The following PEG3 variants were observed in gnomAD, a reference collection of about 807,000 sequenced individuals.
The protein encoded by PEG3 is paternally-expressed gene 3 protein.
A neutral mutation model predicts 35.5 loss-of-function variants in PEG3; 23 were observed. The ratio of observed to expected loss-of-function variants is 0.65; its 90% confidence interval spans 0.47 to 0.92. The LOEUF is 0.92. Ranked by LOEUF, PEG3 falls within the 40% of genes least tolerant of loss-of-function variation. PEG3 has a pLI of 0.00. For synonymous variants in PEG3, 707 were observed against 697.0 expected, an observed-to-expected ratio of 1.01 and a Z score of -0.23; for missense variants, 1,960 against 1,985.3, an observed-to-expected ratio of 0.99 and a Z score of 0.24.
chr19:56,817,696 A>G (rs1285109904), intron 9 of PEG3, 50 bp downstream of exon 9: 1 of 1,565,078 alleles, frequency 6.4e-7, no homozygotes, highest in East Asian at 2.2e-5. Flanking sequence ...GTTCCTTGAT[A>G]GCATCTCACT....
In PEG3 at chr19:56,824,516, T is replaced by C. The variant is rs767490719; in HGVS notation, c.140A>G (p.Gln47Arg). Residue 47 changes from glutamine to arginine, a missense_variant, in exon 4 of 10, where the codon CAG becomes CGG. Around this residue, in one of 5 missense-constraint regions of PEG3, gnomAD observed 613 missense variants for 577.1 expected, o/e 1.06. Transcript: ENST00000326441. ...EGPTDSEFFH[Q>R]RFRNLIYVEF... The stretch of plus-strand genomic sequence containing the variant: ...CACATAGATTAGGTTCCGAAACCTC[T>C]GATGAAAAAACTCAGAGTCAGTTGG... 4 of 1,614,136 alleles carry C rather than the reference T, an allele frequency of 2.5e-6. No homozygotes were observed.
chr19:56,811,641 TTCACCCC>T lies in PEG3; in HGVS notation c.*2027_*2033del. The T allele has an allele frequency of 1.0e-6, 1 of 984,498 alleles. No homozygotes were observed. The highest frequency in any genetic ancestry group is 4.7e-5 in the South Asian group (1 of 21,226). 61.0% of individuals were successfully genotyped at this position (984,498 alleles called of 1,614,324 possible). ...AACACCAAGTAATGTACCCACAAAG[TTCACCCC>T]GACATCAACACTGATTCTCGTTTCA... is the stretch of plus-strand genomic sequence containing the variant. On this transcript the variant is annotated 3_prime_UTR_variant, in exon 10 of 10. Coordinates refer to ENST00000326441, the MANE Select transcript of PEG3 (RefSeq NM_006210.3).
intron 1 of PEG3, among the ~76,000 whole-genome samples, chr19:56,837,443 C>A (rs1355212865): frequency 6.6e-6 from 1 of 152,224 alleles, no homozygotes; most frequent in African/African-American, 2.4e-5. Flanking sequence ...CATTTTCTCA[C>A]TTAAAATCCC....
In PEG3 at chr19:56,811,776, C is replaced by A. The variant is rs1411049893; in HGVS notation, c.*1899G>T. 1 of 985,398 alleles carries A rather than the reference C, an allele frequency of 1.0e-6. No individual in the cohort carries two copies. The highest frequency in any genetic ancestry group is 1.2e-6 in the Non-Finnish European group (1 of 829,972). The allele number at this position is 985,398 out of a possible 1,614,324, so 61.0% of individuals were successfully genotyped here. A position where few individuals can be genotyped will look rare whatever the true frequency, so the allele number is the denominator to read the frequency against. On this transcript the variant is annotated 3_prime_UTR_variant, in exon 10 of 10. Coordinates refer to ENST00000326441, the MANE Select transcript of PEG3 (RefSeq NM_006210.3). ...GCAGCCAGCCCTCACCTACACCATA[C>A]CATCAAAAACTCCTTTTCCAAACTG...
intron 4 of PEG3, 35 bp from the exon 5 acceptor site, chr19:56,823,714 G>A (rs758774891): frequency 6.2e-7 from 1 of 1,611,736 alleles, no homozygotes; most frequent in South Asian, 1.1e-5. Context: ...TACTATCTCT[G>A]GCCCACATTC....
chr19:56,810,127 A>G lies in PEG3; in HGVS notation c.*3548T>C, dbSNP rs75588968. The G allele has an allele frequency of 7.3e-6, 7 of 964,148 alleles. No individual in the cohort carries two copies. The highest frequency in any genetic ancestry group is 5.3e-4 in the Middle Eastern group (1 of 1,896). 59.7% of individuals were successfully genotyped at this position (964,148 alleles called of 1,614,324 possible). ...TATTGTTGACACTATTACAGATAGA[A>G]TGACCACAACCATATTAACAAACCA... On this transcript the variant is annotated 3_prime_UTR_variant, in exon 10 of 10. Coordinates refer to ENST00000326441, the MANE Select transcript of PEG3 (RefSeq NM_006210.3).
intron 4 of PEG3, 119 bp downstream of exon 4, chr19:56,824,143 C>T: frequency 1.4e-6 from 2 of 1,476,106 alleles, no homozygotes; most frequent in Non-Finnish European, 1.8e-6. Context: ...AGGACATCCC[C>T]ACCGCTGCCC....
chr19:56,821,576 C>T (rs1401381099), intron 7 of PEG3, 75 bp downstream of exon 7: 2 of 1,571,520 alleles, frequency 1.3e-6, no homozygotes, highest in Non-Finnish European at 1.7e-6. Context: ...ATAAACACAC[C>T]ATCTGGGGAA....
rs774903750 is a variant in PEG3, at chr19:56,814,357, T to G, written c.4085A>C (p.Glu1362Ala). 1.2e-6 allele frequency: 2 copies of G among 1,613,572 alleles called. No individual in the cohort carries two copies. The highest frequency in any genetic ancestry group is 1.7e-6 in the Non-Finnish European group (2 of 1,179,596). Residue 1362 changes from glutamate to alanine, a missense_variant, in exon 10 of 10, where the codon GAA becomes GCA. Transcript: ENST00000326441. This position sits in a 1 kb window ranked among gnomAD's most constrained non-coding sequence, Gnocchi z 5.8. The part of the protein sequence containing the change: ...ELHLEEEEED[E>A]AAAAAAAAAQ... ...TGCTGCTGCTGCAGCTGCTGCTGCT[T>G]CATCTTCTTCTTCTTCTTCCAGATG...
chr19:56,830,848 C>G (rs1010531081), intron 2 of PEG3, among the ~76,000 whole-genome samples: 1 of 151,820 alleles, frequency 6.6e-6, no homozygotes, highest in Admixed American at 6.6e-5. Flanking sequence ...TGCAGGGGGG[C>G]CCTGGGAGGT....
chr19:56,835,784 G>A (rs1483697671), intron 2 of PEG3, among the ~76,000 whole-genome samples: 8 of 152,202 alleles, frequency 5.3e-5, no homozygotes, highest in African/African-American at 1.9e-4. Flanking sequence ...TAGCCCTGAA[G>A]GAGTAGCTGA....
rs1440759227 is a variant in PEG3, at chr19:56,816,336, C to A, written c.2106G>T (p.Glu702Asp). 4 of 1,614,146 alleles carry A rather than the reference C, an allele frequency of 2.5e-6. No individual in the cohort carries two copies. The South Asian group carries it at 4.4e-5, about 18-fold the overall frequency. The change falls in exon 10 of 10, where the codon GAG becomes GAT. Residue 702 changes from glutamate (E) to aspartate (D), a missense_variant. Glu to Asp is a conservative substitution (Grantham distance 45). Coordinates refer to ENST00000326441, the MANE Select transcript of PEG3 (RefSeq NM_006210.3). ...TCTTTCGAGAATGAATTTTCTGATG[C>A]TCACTGAGCTCTGAGCTTTGCATGA... is the stretch of plus-strand genomic sequence containing the variant. ...DAFMQSSELS[E>D]HQKIHSRKNL...
intron 7 of PEG3, among the ~76,000 whole-genome samples, chr19:56,820,395 C>T (rs753322729): frequency 1.4e-4 from 21 of 152,150 alleles, no homozygotes; most frequent in Non-Finnish European, 2.9e-4. Context: ...ACATGGGGCT[C>T]GGATGCCAAT....
Position 56,815,943 on chromosome 19 carries a change from A to C in PEG3, c.2499T>G (p.Ser833=). Residue 833 remains serine (S), a synonymous_variant, in exon 10 of 10, where the codon TCT becomes TCG. Transcript: ENST00000326441. ...TGGAAGCCACTAAGCTATGGATAAC[A>C]GACCTACTGTATTCCCTTCCTTCAG... is the stretch of plus-strand genomic sequence containing the variant. ...NTSEGREYSR[S]VIHSLVASKP... is the part of the protein sequence containing the mutation. The C allele has an allele frequency of 6.2e-7, 1 of 1,601,320 alleles. No individual in the cohort carries two copies. The highest frequency in any genetic ancestry group is 1.7e-4 in the Middle Eastern group (1 of 5,946).
Position 56,816,564 on chromosome 19 carries a change from C to A in PEG3, c.1878G>T (p.Met626Ile), listed in dbSNP as rs1307774217. 3.7e-6 allele frequency: 6 copies of A among 1,614,060 alleles called. No individual in the cohort carries two copies. The highest frequency in any genetic ancestry group is 5.1e-6 in the Non-Finnish European group (6 of 1,179,972). The change falls in exon 10 of 10, where the codon ATG (methionine) becomes ATT (isoleucine). Residue 626 changes from methionine to isoleucine, a missense_variant. Coordinates refer to ENST00000326441, the MANE Select transcript of PEG3 (RefSeq NM_006210.3). The stretch of plus-strand genomic sequence containing the variant: ...TCTCCCCACACACCTTACATTCGTA[C>A]ATTTTCTCTTTACCATACATTTTCT... ...EFQKMYGKEK[M>I]YECKVCGETF...
Position 56,823,779 on chromosome 19 carries a change from G to A in PEG3, c.395-100C>T, listed in dbSNP as rs2060740344. On this transcript the variant is annotated intron_variant, in intron 4 of 9. Coordinates refer to ENST00000326441, the MANE Select transcript of PEG3 (RefSeq NM_006210.3). ...GCATCTCCCTGTCACAGACACACATGGTTGGAATGACCTGATCCTGACATT... is the reference window on the plus strand; with the variant it reads ...GCATCTCCCTGTCACAGACACACATAGTTGGAATGACCTGATCCTGACATT... The A allele has an allele frequency of 3.7e-6, 5 of 1,355,408 alleles. No homozygotes were observed. In the East Asian group the frequency reaches 9.2e-5, roughly 25 times the overall value. 84.0% of individuals were successfully genotyped at this position (1,355,408 alleles called of 1,614,324 possible). A position where few individuals can be genotyped will look rare whatever the true frequency, so the allele number is the denominator to read the frequency against.
At position 56,814,128 on chromosome 19, in the gene PEG3, C is replaced by T. The variant is rs1474492451; in HGVS notation, c.4314G>A (p.Gln1438=). 6.2e-6 allele frequency: 10 copies of T among 1,614,168 alleles called. No homozygotes were observed. The highest frequency in any genetic ancestry group is 8.5e-6 in the Non-Finnish European group (10 of 1,180,028). ...EAAEPIGEAG[Q]PNGEAEQPNG... ...TTGGCTGCTCGGCCTCTCCATTTGG[C>T]TGTCCAGCCTCTCCAATGGGCTCTG... The change falls in exon 10 of 10, where the codon CAG becomes CAA. Residue 1438 remains glutamine (Q), a synonymous_variant. Coordinates refer to ENST00000326441, the MANE Select transcript of PEG3 (RefSeq NM_006210.3). The surrounding 1 kb of genome is among the most constrained non-coding windows in gnomAD (Gnocchi z 5.8).
In PEG3 at chr19:56,815,512, C is replaced by A. The variant is rs748399691; in HGVS notation, c.2930G>T (p.Cys977Phe). 2 of 1,614,104 alleles carry A rather than the reference C, an allele frequency of 1.2e-6. No individual in the cohort carries two copies. Among genetic ancestry groups the A allele is most frequent in the Non-Finnish European group, 1.7e-6 (2 of 1,179,998 alleles). ...MLYECQECGE[C>F]FAHSSDLTEH... ...AGTGAGGTCAGAGCTATGAGCAAAG[C>A]ACTCCCCACACTCCTGACATTCATA... is the stretch of plus-strand genomic sequence containing the variant. The change falls in exon 10 of 10, where the codon TGC becomes TTC. Residue 977 changes from cysteine (C) to phenylalanine (F), a missense_variant. Transcript: ENST00000326441.
chr19:56,818,197 C>A lies in PEG3; in HGVS notation c.773-362G>T, dbSNP rs541387051. 1.8e-3 allele frequency among the ~76,000 whole-genome samples: 267 copies of A among 152,298 alleles called. 2 individuals are homozygous for A. The highest frequency in any genetic ancestry group is 6.1e-3 in the African/African-American group (253 of 41,558). On this transcript the variant is annotated intron_variant, in intron 8 of 9. Coordinates refer to ENST00000326441, the MANE Select transcript of PEG3 (RefSeq NM_006210.3). ...TCTTCCTCCACCCACTCCCTTGAGG[C>A]CCCATGGCCTTACAGACCTGCAGCA...
Sources: gnomAD v4.1 joint callset for allele counts (sites outside exome capture counted in the v4.1 genomes callset) on GRCh38, gnomAD v4.1.1 for gene constraint, gnomAD v4.1.1 regional missense constraint, Gnocchi (gnomAD v3.1) non-coding constraint, MANE v1.5 for transcripts, NCBI Gene and HGNC (gene_info 2026-07-23, HGNC 2026-07-21) for gene names.